Variants in ANO3 observed in about 807,000 individuals in gnomAD.
ANO3 encodes anoctamin-3.
Under a neutral mutation model 144.8 loss-of-function variants are expected in ANO3, and 99 were observed. The observed-to-expected ratio is 0.68, with a 90% CI of 0.58 to 0.81. The LOEUF (loss-of-function observed/expected upper bound fraction) is 0.81. ANO3 is among the 30% of genes least tolerant of loss of function. The probability of loss-of-function intolerance (pLI) is 0.00; values close to 1 mark genes in which losing one functional copy is unlikely to be tolerated. For missense variants in ANO3, 905 were observed against 1,202.2 expected, an observed-to-expected ratio of 0.75 and a Z score of 3.66; for synonymous variants, 414 against 392.6, an observed-to-expected ratio of 1.05 and a Z score of -0.64.
chr11:26,484,456 G>A (rs1164796298), intron 4 of ANO3, among the ~76,000 whole-genome samples: 2 of 152,260 alleles, frequency 1.3e-5, no homozygotes, highest in East Asian at 3.9e-4. Context: ...GTGGTGTTAA[G>A]CCTGCATGTT....
At chr11:26,648,594 T>G (rs908901471) in intron 24 of ANO3, among the ~76,000 whole-genome samples, 1 of 152,024 alleles carries the variant, frequency 6.6e-6, no homozygotes, top group Non-Finnish European at 1.5e-5. Flanking sequence ...AGATGTCCTC[T>G]GGGGGACAAA....
chr11:26,499,573 G>T (rs900052901), intron 4 of ANO3, among the ~76,000 whole-genome samples: 3 of 151,094 alleles, frequency 2.0e-5, no homozygotes, highest in African/African-American at 7.3e-5. Context: ...AAATTTTATG[G>T]ATTTGTAATT....
chr11:26,238,001 G>C (rs1852573054), intron 1 of ANO3, among the ~76,000 whole-genome samples: 1 of 152,078 alleles, frequency 6.6e-6, no homozygotes, highest in African/African-American at 2.4e-5. Flanking sequence ...AATTTACACA[G>C]ACTGTTAGAC....
intron 1 of ANO3, among the ~76,000 whole-genome samples, chr11:26,223,176 C>T (rs1239165578): frequency 6.6e-6 from 1 of 152,002 alleles, no homozygotes; most frequent in Non-Finnish European, 1.5e-5. Context: ...TTAGAAGCAG[C>T]CATGCAACAT....
intron 4 of ANO3, among the ~76,000 whole-genome samples, chr11:26,472,826 CCAGT>C (rs1245304120): frequency 6.6e-6 from 1 of 151,810 alleles, no homozygotes; most frequent in Non-Finnish European, 1.5e-5. Flanking sequence ...CTTAACCTCA[CCAGT>C]CAATCAAAAT....
chr11:26,646,647 T>C (rs10835043), intron 23 of ANO3, among the ~76,000 whole-genome samples: 66,491 of 151,800 alleles, frequency 0.44, 16,324 homozygotes, highest in South Asian at 0.64. Flanking sequence ...TTTAAACTTC[T>C]TTTTATCAGT....
intron 1 of ANO3, among the ~76,000 whole-genome samples, chr11:26,326,523 T>C (rs903563249): frequency 1.3e-5 from 2 of 152,146 alleles, no homozygotes; most frequent in African/African-American, 2.4e-5. Context: ...TAAATAAATA[T>C]TCATGCACAC....
chr11:26,277,719 T>C (rs1853589399), intron 1 of ANO3, among the ~76,000 whole-genome samples: 1 of 151,954 alleles, frequency 6.6e-6, no homozygotes, highest in African/African-American at 2.4e-5. Context: ...AGATAATAAT[T>C]TTTTCTTGGC....
At chr11:26,634,174 C>G (rs1253627026) in intron 18 of ANO3, 30 bp from the exon 19 acceptor site, 3 of 1,436,268 alleles carry the variant, frequency 2.1e-6, no homozygotes, top group Non-Finnish European at 2.9e-6. Flanking sequence ...CTCACCTCAC[C>G]TGTGTCAATG....
Position 26,482,424 on chromosome 11 carries a change from ATATGTGTGTGTG to A in ANO3, c.432+19278_432+19289del, listed in dbSNP as rs1471863595. Among the ~76,000 whole-genome samples, 282 of 109,810 alleles carry A rather than the reference ATATGTGTGTGTG, an allele frequency of 2.6e-3. 1 individual carries two copies. Among genetic ancestry groups the A allele is most frequent in the African/African-American group, 9.0e-3 (251 of 27,936 alleles). The allele number at this position is 109,810 out of a possible 152,430, so 72.0% of individuals were successfully genotyped here. A position where few individuals can be genotyped will look rare whatever the true frequency, so the allele number is the denominator to read the frequency against. On this transcript the variant is annotated intron_variant, in intron 4 of 26. Transcript: ENST00000256737. ...ATTTTGCAGTAATTTGAACACAGATATATGTGTGTGTGTGTGTGTGTGTGTGTGTGTGTGTGT... is the reference window on the plus strand; with the variant it reads ...ATTTTGCAGTAATTTGAACACAGATATGTGTGTGTGTGTGTGTGTGTGTGT...
At chr11:26,614,188 C>T (rs538770043) in intron 17 of ANO3, among the ~76,000 whole-genome samples, 1 of 152,282 alleles carries the variant, frequency 6.6e-6, no homozygotes, top group East Asian at 1.9e-4. Flanking sequence ...GGGGTGGATT[C>T]AACATAGGAC....
intron 1 of ANO3, among the ~76,000 whole-genome samples, chr11:26,279,778 T>G (rs1235838369): frequency 6.6e-6 from 1 of 152,178 alleles, no homozygotes; most frequent in African/African-American, 2.4e-5. Flanking sequence ...ATCCGGCAAC[T>G]TCAAGACTCC....
intron 3 of ANO3, among the ~76,000 whole-genome samples, chr11:26,461,216 G>A (rs1859384213): frequency 6.6e-6 from 1 of 152,084 alleles, no homozygotes; most frequent in Admixed American, 6.6e-5. Flanking sequence ...CTTACAAACT[G>A]GCAGTCAATG....
At chr11:26,550,518 A>C (rs967515015) in intron 12 of ANO3, among the ~76,000 whole-genome samples, 6 of 151,982 alleles carry the variant, frequency 3.9e-5, no homozygotes, top group Admixed American at 3.9e-4. Context: ...TGAATTATTC[A>C]GTATTGGTTA....
intron 1 of ANO3, among the ~76,000 whole-genome samples, chr11:26,368,765 A>G (rs1856166160): frequency 6.6e-6 from 1 of 152,106 alleles, no homozygotes; most frequent in Non-Finnish European, 1.5e-5. Flanking sequence ...TCAATCGCTA[A>G]AAGTTGTAAT....
intron 1 of ANO3, among the ~76,000 whole-genome samples, chr11:26,211,171 T>C (rs1315060747): frequency 6.6e-6 from 1 of 152,048 alleles, no homozygotes; most frequent in East Asian, 1.9e-4. Context: ...TAGAACACAG[T>C]GCAATCAAAA....
rs555823639 is a variant in ANO3 at position 26,294,757 on chromosome 11, G to GA, written c.155-14882dup. On this transcript the variant is annotated intron_variant, in intron 1 of 27. Transcript: ENST00000672621. ...TTCTTTGAAACTTTAAAAACACATC[G>GA]AAAAAATCTTATGCCTTTCTTTTTC... Among the ~76,000 whole-genome samples, 40 of 152,126 alleles carry GA rather than the reference G, an allele frequency of 2.6e-4. No individual in the cohort carries two copies. The South Asian group carries it at 8.3e-3, about 32-fold the overall frequency.
intron 5 of ANO3, among the ~76,000 whole-genome samples, chr11:26,513,724 C>T (rs1313255793): frequency 6.6e-6 from 1 of 152,086 alleles, no homozygotes; most frequent in African/African-American, 2.4e-5. Flanking sequence ...ATTTTACTTT[C>T]AAATCCTGCA....
intron 1 of ANO3, among the ~76,000 whole-genome samples, chr11:26,220,912 C>G (rs1484414531): frequency 1.3e-5 from 2 of 152,118 alleles, no homozygotes; most frequent in Non-Finnish European, 2.9e-5. Context: ...TTAGGTCACC[C>G]CTGACTGCCT....
Sources: gnomAD v4.1 joint callset for allele counts (sites outside exome capture counted in the v4.1 genomes callset) on GRCh38, gnomAD v4.1.1 for gene constraint, MANE v1.5 for transcripts, NCBI Gene and HGNC (gene_info 2026-07-23, HGNC 2026-07-21) for gene names.